The following SLX4IP variants were observed in gnomAD, a reference collection of about 807,000 sequenced individuals.
The protein encoded by SLX4IP is SLX4 interacting protein.
A neutral mutation model predicts 32.9 loss-of-function variants in SLX4IP; 34 were observed. That is an observed-to-expected ratio of 1.03 (90% CI 0.79 to 1.38). SLX4IP has a LOEUF of 1.38. SLX4IP is among the 40% of genes most tolerant of loss of function. The pLI is 0.00. For missense variants in SLX4IP, 444 were observed against 479.0 expected (o/e 0.93, Z 0.68); for synonymous variants, 172 against 171.7 (o/e 1.00, Z -0.01).
chr20:10,510,867 G>A (rs369039553), intron 2 of SLX4IP, among the ~76,000 whole-genome samples: 90 of 152,280 alleles, frequency 5.9e-4, no homozygotes, highest in African/African-American at 2.0e-3. Flanking sequence ...GCCTCCCAAA[G>A]TGCTGGGATT....
At chr20:10,607,217 G>A (rs553673920) in intron 6 of SLX4IP, among the ~76,000 whole-genome samples, 1 of 152,270 alleles carries the variant, frequency 6.6e-6, no homozygotes, top group East Asian at 1.9e-4. Context: ...ATGACAATGA[G>A]GCATCTGTAG....
intron 6 of SLX4IP, chr20:10,614,093 T>A: frequency 6.5e-7 from 1 of 1,535,568 alleles, no homozygotes; most frequent in Non-Finnish European, 8.9e-7. Flanking sequence ...GGTCCAGGTG[T>A]ACCTGCAGGG....
intron 2 of SLX4IP, among the ~76,000 whole-genome samples, chr20:10,527,191 A>C (rs1167642537): frequency 6.6e-6 from 1 of 152,228 alleles, no homozygotes; most frequent in Non-Finnish European, 1.5e-5. Flanking sequence ...AAAAGCTATA[A>C]AAACAAAATA....
At chr20:10,467,574 G>A (rs1308876405) in intron 2 of SLX4IP, among the ~76,000 whole-genome samples, 1 of 152,208 alleles carries the variant, frequency 6.6e-6, no homozygotes, top group Non-Finnish European at 1.5e-5. Flanking sequence ...GGGTCAATGC[G>A]AGTTTGCAGA....
intron 2 of SLX4IP, among the ~76,000 whole-genome samples, chr20:10,492,737 T>C (rs1438536441): frequency 6.6e-6 from 1 of 152,222 alleles, no homozygotes; most frequent in Non-Finnish European, 1.5e-5. Flanking sequence ...ATCTAATATA[T>C]TCTTCAAAAA....
At chr20:10,510,454 C>T (rs1478935883) in intron 2 of SLX4IP, among the ~76,000 whole-genome samples, 2 of 152,204 alleles carry the variant, frequency 1.3e-5, no homozygotes, top group African/African-American at 4.8e-5. Flanking sequence ...TATCTTGCTT[C>T]CTGCTAGTAT....
At chr20:10,498,730 C>G (rs1233456352) in intron 2 of SLX4IP, among the ~76,000 whole-genome samples, 1 of 149,438 alleles carries the variant, frequency 6.7e-6, no homozygotes, top group Non-Finnish European at 1.5e-5. Context: ...GTGATTATAC[C>G]TGACACTCTA....
intron 6 of SLX4IP, among the ~76,000 whole-genome samples, chr20:10,618,757 T>C (rs758704205): frequency 3.9e-5 from 6 of 152,252 alleles, no homozygotes; most frequent in Non-Finnish European, 7.3e-5. Flanking sequence ...CAGAAGGCAC[T>C]TGCAACCCTC....
chr20:10,469,873 A>C (rs2065410404), intron 2 of SLX4IP, among the ~76,000 whole-genome samples: 1 of 152,160 alleles, frequency 6.6e-6, no homozygotes, highest in Admixed American at 6.5e-5. Context: ...CCTTTTATGA[A>C]TGTGTATATT....
intron 2 of SLX4IP, among the ~76,000 whole-genome samples, chr20:10,543,971 G>T (rs1293615470): frequency 6.6e-6 from 1 of 152,120 alleles, no homozygotes; most frequent in African/African-American, 2.4e-5. Context: ...TGGATGAAAT[G>T]TATAGCTGTA....
intron 1 of SLX4IP, among the ~76,000 whole-genome samples, chr20:10,446,825 A>G (rs1368764722): frequency 6.6e-6 from 1 of 151,944 alleles, no homozygotes; most frequent in Non-Finnish European, 1.5e-5. Context: ...GCTTTTTACT[A>G]TTGAATTTTG....
chr20:10,474,703 C>T (rs973281657), intron 2 of SLX4IP, among the ~76,000 whole-genome samples: 11 of 152,184 alleles, frequency 7.2e-5, no homozygotes, highest in African/African-American at 2.4e-4. Flanking sequence ...TCCTTTTTTT[C>T]CCTCCCTTAC....
At chr20:10,451,922 C>T (rs1056858769) in intron 1 of SLX4IP, among the ~76,000 whole-genome samples, 4 of 151,894 alleles carry the variant, frequency 2.6e-5, no homozygotes, top group South Asian at 4.2e-4. Flanking sequence ...GAGCCAAGAT[C>T]GTGCCACTAC....
At chr20:10,583,817 A>T (rs1316083961) in intron 4 of SLX4IP, among the ~76,000 whole-genome samples, 2 of 152,238 alleles carry the variant, frequency 1.3e-5, no homozygotes, top group African/African-American at 4.8e-5. Flanking sequence ...TTATATTACT[A>T]GTAAATACTG....
intron 4 of SLX4IP, among the ~76,000 whole-genome samples, chr20:10,572,412 T>C (rs188452956): frequency 1.4e-3 from 219 of 152,300 alleles, no homozygotes; most frequent in African/African-American, 5.1e-3. Context: ...TGAATTACCA[T>C]GTGGGTATCT....
chr20:10,500,317 C>T (rs999843756), intron 2 of SLX4IP, among the ~76,000 whole-genome samples: 6 of 151,780 alleles, frequency 4.0e-5, no homozygotes, highest in East Asian at 1.9e-4. Flanking sequence ...TTAGTAGAGA[C>T]GAGGTTTCAC....
At chr20:10,602,643 A>C (rs958618877) in intron 6 of SLX4IP, among the ~76,000 whole-genome samples, 1 of 152,232 alleles carries the variant, frequency 6.6e-6, no homozygotes, top group African/African-American at 2.4e-5. Flanking sequence ...AAAAAAATCC[A>C]ACAGACATTA....
intron 2 of SLX4IP, among the ~76,000 whole-genome samples, chr20:10,466,487 T>C (rs1375231834): frequency 6.6e-6 from 1 of 152,126 alleles, no homozygotes; most frequent in East Asian, 1.9e-4. Flanking sequence ...AAAATTTTTG[T>C]TGGGAGGGCT....
At chr20:10,530,429 T>C (rs984098103) in intron 2 of SLX4IP, among the ~76,000 whole-genome samples, 1 of 152,200 alleles carries the variant, frequency 6.6e-6, no homozygotes, top group African/African-American at 2.4e-5. Context: ...ACGTTAACCT[T>C]TGATGAAGTT....
Sources: allele counts gnomAD v4.1 joint callset (sites outside exome capture counted in the v4.1 genomes callset), GRCh38; gene constraint gnomAD v4.1.1; transcripts MANE v1.5; gene names NCBI Gene and HGNC (gene_info 2026-07-23, HGNC 2026-07-21).